Variants in SLC39A11 observed in about 807,000 individuals in gnomAD.
The protein encoded by SLC39A11 is zinc transporter ZIP11.
A neutral mutation model predicts 36.1 loss-of-function variants in SLC39A11; 33 were observed. The observed-to-expected ratio is 0.91, with a 90% CI of 0.69 to 1.22. The LOEUF (loss-of-function observed/expected upper bound fraction) is 1.22. Among genes scored for constraint, SLC39A11 ranks in the 50% most tolerant of loss-of-function variants. SLC39A11 has a pLI of 0.00. For missense variants in SLC39A11, 432 were observed against 430.3 expected, an observed-to-expected ratio of 1.00 and a Z score of -0.03; for synonymous variants, 166 against 170.3, an observed-to-expected ratio of 0.97 and a Z score of 0.20.
intron 7 of SLC39A11, among the ~76,000 whole-genome samples, chr17:72,676,357 T>G (rs2144239083): frequency 6.6e-6 from 1 of 152,216 alleles, no homozygotes; most frequent in African/African-American, 2.4e-5. Flanking sequence ...CTTAGATAAT[T>G]TTTTTGAAGG....
intron 7 of SLC39A11, among the ~76,000 whole-genome samples, chr17:72,734,178 C>T (rs1427608438): frequency 2.0e-5 from 3 of 152,132 alleles, no homozygotes; most frequent in African/African-American, 7.2e-5. Context: ...AGAAAGCTAA[C>T]AAGTCTTGGC....
At chr17:73,039,892 G>A (rs922724883) in intron 3 of SLC39A11, among the ~76,000 whole-genome samples, 2 of 152,152 alleles carry the variant, frequency 1.3e-5, no homozygotes, top group African/African-American at 4.8e-5. Flanking sequence ...GAGCAAGCTG[G>A]TCTGTCCCAA....
chr17:73,021,127 T>G (rs1434707603), intron 4 of SLC39A11, among the ~76,000 whole-genome samples: 4 of 152,096 alleles, frequency 2.6e-5, no homozygotes, highest in Non-Finnish European at 5.9e-5. Flanking sequence ...CTCTCCAACT[T>G]TGGTTCCTGA....
At chr17:72,724,595 G>C (rs138401596) in intron 7 of SLC39A11, among the ~76,000 whole-genome samples, 94 of 152,186 alleles carry the variant, frequency 6.2e-4, no homozygotes, top group African/African-American at 2.1e-3. Context: ...AAGAGCCCCA[G>C]GGTTCAGGAA....
intron 7 of SLC39A11, among the ~76,000 whole-genome samples, chr17:72,669,909 CGT>C (rs2070921400): frequency 2.0e-5 from 3 of 149,944 alleles, no homozygotes; most frequent in Non-Finnish European, 4.4e-5. Flanking sequence ...CATATATATA[CGT>C]ATAGATGTAT....
At chr17:73,068,266 C>T in intron 3 of SLC39A11, 1 of 716,318 alleles carries the variant, frequency 1.4e-6, no homozygotes, top group Non-Finnish European at 2.4e-6. Context: ...GAAGCTGCAA[C>T]ATGGACTGCG....
At chr17:73,086,322 C>G (rs2060727081) in intron 2 of SLC39A11, among the ~76,000 whole-genome samples, 1 of 151,356 alleles carries the variant, frequency 6.6e-6, no homozygotes, top group Non-Finnish European at 1.5e-5. Flanking sequence ...CCATAAGCAT[C>G]TTCTATTTCA....
chr17:72,708,187 G>T (rs184925213), intron 7 of SLC39A11, among the ~76,000 whole-genome samples: 20 of 152,278 alleles, frequency 1.3e-4, no homozygotes, highest in African/African-American at 4.6e-4. Flanking sequence ...CAGATATTTG[G>T]TCACACATTC....
At chr17:72,875,047 A>C (rs1015204234) in intron 5 of SLC39A11, among the ~76,000 whole-genome samples, 1 of 152,194 alleles carries the variant, frequency 6.6e-6, no homozygotes, top group African/African-American at 2.4e-5. Flanking sequence ...CAAACACAGC[A>C]CGAGAGAAAC....
At chr17:72,972,924 C>G (rs2087562357) in intron 4 of SLC39A11, among the ~76,000 whole-genome samples, 1 of 152,000 alleles carries the variant, frequency 6.6e-6, no homozygotes, top group African/African-American at 2.4e-5. Context: ...AAACACCAAC[C>G]TCTGTGGTAG....
At chr17:72,853,339 T>C (rs377192019) in intron 5 of SLC39A11, among the ~76,000 whole-genome samples, 7 of 152,102 alleles carry the variant, frequency 4.6e-5, no homozygotes, top group East Asian at 1.9e-4. Context: ...CTTGGGGATT[T>C]TATAATTTAA....
chr17:72,675,855 T>C (rs2071235474), intron 7 of SLC39A11, among the ~76,000 whole-genome samples: 1 of 152,176 alleles, frequency 6.6e-6, no homozygotes, highest in Admixed American at 6.5e-5. Flanking sequence ...AATTTTGTAT[T>C]TTTAGTAGAG....
intron 3 of SLC39A11, among the ~76,000 whole-genome samples, chr17:73,069,968 C>T (rs1044051052): frequency 6.6e-6 from 1 of 152,326 alleles, no homozygotes; most frequent in East Asian, 1.9e-4. Flanking sequence ...CTACTCCTAC[C>T]ATCTGTCTGG....
intron 4 of SLC39A11, among the ~76,000 whole-genome samples, chr17:73,000,934 G>A (rs1476577079): frequency 6.6e-6 from 1 of 152,150 alleles, no homozygotes; most frequent in Non-Finnish European, 1.5e-5. Flanking sequence ...ATTGTTGTGA[G>A]CTTTACCCCA....
intron 6 of SLC39A11, among the ~76,000 whole-genome samples, chr17:72,797,162 A>G (rs956523497): frequency 1.3e-5 from 2 of 152,138 alleles, no homozygotes; most frequent in Non-Finnish European, 2.9e-5. Flanking sequence ...GGGGTTTACC[A>G]TCTTGCTGAG....
intron 6 of SLC39A11, among the ~76,000 whole-genome samples, chr17:72,763,105 C>T (rs1037529406): frequency 1.3e-5 from 2 of 152,118 alleles, no homozygotes; most frequent in African/African-American, 4.8e-5. Context: ...AACCTTAAAG[C>T]ACATCAGACT....
At chr17:72,882,800 T>TTTTTTTTTTTCTTTTTC (rs1434044879) in intron 5 of SLC39A11, among the ~76,000 whole-genome samples, 27 of 118,020 alleles carry the variant, frequency 2.3e-4, no homozygotes, top group African/African-American at 1.0e-3. Flanking sequence ...AATGCTTCTT[T>TTTTTTTTTTTCTTTTTC]TTTTTTTTTT....
At chr17:73,066,051 T>C (rs905576228) in intron 3 of SLC39A11, among the ~76,000 whole-genome samples, 1 of 152,166 alleles carries the variant, frequency 6.6e-6, no homozygotes, top group African/African-American at 2.4e-5. Flanking sequence ...GGAGAGGTGG[T>C]AGACAGCAAA....
intron 4 of SLC39A11, among the ~76,000 whole-genome samples, chr17:72,967,613 A>C (rs2148006349): frequency 6.6e-6 from 1 of 152,288 alleles, no homozygotes; most frequent in Admixed American, 6.5e-5. Flanking sequence ...TCCGTGACGA[A>C]AAGCTCCAAC....
Sources: allele counts gnomAD v4.1 joint callset (sites outside exome capture counted in the v4.1 genomes callset), GRCh38; gene constraint gnomAD v4.1.1; transcripts MANE v1.5; gene names NCBI Gene and HGNC (gene_info 2026-07-23, HGNC 2026-07-21).